The following BBS9 variants were observed in gnomAD, a reference collection of about 807,000 sequenced individuals.
BBS9 encodes the protein Bardet-Biedl syndrome 9, also known as protein PTHB1.
A neutral mutation model predicts 117.7 loss-of-function variants in BBS9; 89 were observed. The ratio of observed to expected loss-of-function variants is 0.76; its 90% confidence interval spans 0.64 to 0.90. The LOEUF is 0.90. Ranked by LOEUF, BBS9 falls within the 40% of genes least tolerant of loss-of-function variation. BBS9 has a pLI of 0.00. For synonymous variants in BBS9, 379 were observed against 370.9 expected (o/e 1.02, Z -0.25); for missense variants, 982 against 1,042.2 (o/e 0.94, Z 0.80).
intron 19 of BBS9, among the ~76,000 whole-genome samples, chr7:33,398,092 C>G (rs749993513): frequency 1.4e-4 from 21 of 152,152 alleles, no homozygotes; most frequent in Non-Finnish European, 2.4e-4. Context: ...AAATGAGGAG[C>G]TGACAATTCT....
At chr7:33,178,093 T>C (rs1983511) in intron 5 of BBS9, among the ~76,000 whole-genome samples, 28,722 of 152,196 alleles carry the variant, frequency 0.19, 3,559 homozygotes, top group Admixed American at 0.34. Context: ...ACAGGCAGGA[T>C]AAAGCTGCAA....
In BBS9 at chr7:33,290,172, T is replaced by G. The variant is rs76037803; in HGVS notation, c.1016+16216T>G. Reference sequence around the variant, plus strand: ...TGTAAAAATTCTGCTTTTTGCCTTTTATAAAACTTTACTAATGATGGAGCA... The same window carrying G: ...TGTAAAAATTCTGCTTTTTGCCTTTGATAAAACTTTACTAATGATGGAGCA... On this transcript the variant is annotated intron_variant, in intron 9 of 22. Coordinates refer to ENST00000242067, the MANE Select transcript of BBS9 (RefSeq NM_198428.3). Among the ~76,000 whole-genome samples, 62 of 152,300 alleles carry G rather than the reference T, an allele frequency of 4.1e-4. 1 individual carries two copies. The East Asian group carries it at 0.011, about 27-fold the overall frequency.
At chr7:33,266,232 A>G (rs1480668182) in intron 7 of BBS9, among the ~76,000 whole-genome samples, 2 of 152,250 alleles carry the variant, frequency 1.3e-5, no homozygotes, top group East Asian at 3.8e-4. Context: ...AAGAAATAGC[A>G]GTAAAACTTC....
chr7:33,451,933 A>G (rs1361333441), intron 19 of BBS9, among the ~76,000 whole-genome samples: 2 of 152,080 alleles, frequency 1.3e-5, no homozygotes, highest in African/African-American at 4.8e-5. Context: ...TCTTGGGTTC[A>G]AGCAATTCTT....
chr7:33,135,089 C>T (rs533085293), intron 1 of BBS9, among the ~76,000 whole-genome samples: 3 of 152,140 alleles, frequency 2.0e-5, no homozygotes, highest in African/African-American at 7.2e-5. Flanking sequence ...GATGGGGTCT[C>T]ATCATGTTGC....
At chr7:33,234,846 A>G (rs1793180106) in intron 5 of BBS9, among the ~76,000 whole-genome samples, 1 of 152,086 alleles carries the variant, frequency 6.6e-6, no homozygotes, top group African/African-American at 2.4e-5. Flanking sequence ...AAGGGAATGG[A>G]GAAAAAGTTC....
intron 19 of BBS9, among the ~76,000 whole-genome samples, chr7:33,486,681 G>A (rs7804723): frequency 0.78 from 118,836 of 152,098 alleles, 47,329 homozygotes; most frequent in African/African-American, 0.94. Flanking sequence ...CTGGAAGTCA[G>A]CTTCTTCTTC....
At chr7:33,242,179 G>C (rs898688707) in intron 5 of BBS9, among the ~76,000 whole-genome samples, 1 of 151,976 alleles carries the variant, frequency 6.6e-6, no homozygotes, top group African/African-American at 2.4e-5. Context: ...AATCAGTTTG[G>C]GGTTTATGAA....
intron 20 of BBS9, among the ~76,000 whole-genome samples, chr7:33,518,622 A>G (rs1159244507): frequency 3.9e-5 from 6 of 152,138 alleles, no homozygotes; most frequent in African/African-American, 1.2e-4. Context: ...TTTTTGGAAG[A>G]AAAAAACCCC....
At chr7:33,562,266 T>C (rs1219783595) in intron 21 of BBS9, among the ~76,000 whole-genome samples, 1 of 152,214 alleles carries the variant, frequency 6.6e-6, no homozygotes, top group Non-Finnish European at 1.5e-5. Flanking sequence ...CTGTGGTATA[T>C]ACAACAAAGT....
chr7:33,533,853 A>G, intron 20 of BBS9, 101 bp from the exon 21 acceptor site: 3 of 1,368,494 alleles, frequency 2.2e-6, no homozygotes, highest in Non-Finnish European at 3.1e-6. Flanking sequence ...ACAGGTTCCC[A>G]ACACTTGAAC....
At chr7:33,191,989 C>T (rs757126377) in intron 5 of BBS9, among the ~76,000 whole-genome samples, 2 of 151,584 alleles carry the variant, frequency 1.3e-5, no homozygotes, top group Middle Eastern at 6.8e-3. Context: ...ACCTCCCAAA[C>T]GCAACCACTG....
chr7:33,319,905 G>A (rs542028348), intron 9 of BBS9, among the ~76,000 whole-genome samples: 5 of 152,136 alleles, frequency 3.3e-5, no homozygotes, highest in Non-Finnish European at 4.4e-5. Flanking sequence ...CCAAGGGCAC[G>A]AATAGACAGT....
chr7:33,232,280 T>C (rs1299402102), intron 5 of BBS9, among the ~76,000 whole-genome samples: 3 of 152,144 alleles, frequency 2.0e-5, no homozygotes, highest in African/African-American at 7.2e-5. Flanking sequence ...TTAAAAATTA[T>C]ACAGGTAATC....
intron 19 of BBS9, among the ~76,000 whole-genome samples, chr7:33,400,843 T>C (rs896839516): frequency 1.3e-5 from 2 of 152,210 alleles, no homozygotes; most frequent in African/African-American, 4.8e-5. Flanking sequence ...CCCAGCTGTA[T>C]AGCCTGGAAC....
At chr7:33,281,239 T>TA (rs1478911929) in intron 9 of BBS9, among the ~76,000 whole-genome samples, 2 of 151,882 alleles carry the variant, frequency 1.3e-5, no homozygotes, top group African/African-American at 2.4e-5. Flanking sequence ...TTTGGTGAGT[T>TA]AAAAAAATTT....
rs756620095 is a variant in BBS9, at chr7:33,605,204, C to A, written c.2642C>A (p.Pro881His). 1.1e-5 allele frequency: 18 copies of A among 1,612,564 alleles called. No individual in the cohort carries two copies. Among genetic ancestry groups the A allele is most frequent in the African/African-American group, 2.7e-5 (2 of 74,938 alleles). ...TAETPRPEVS[P>H]LQGVSE ...CTCTCTTTTTTTCCAGAAGTTTCAC[C>A]CCTCCAAGGAGTCTCGGAATAATTC... The change falls in exon 23 of 23, where the codon CCC becomes CAC. Residue 881 changes from proline to histidine, a missense_variant. Coordinates refer to ENST00000242067, the MANE Select transcript of BBS9 (RefSeq NM_198428.3).
intron 5 of BBS9, among the ~76,000 whole-genome samples, chr7:33,195,054 T>C (rs1039093456): frequency 1.3e-5 from 2 of 152,172 alleles, no homozygotes; most frequent in Non-Finnish European, 1.5e-5. Context: ...CTTCCTAATA[T>C]AGTAACTGTT....
chr7:33,349,936 A>G (rs919725341), intron 13 of BBS9, among the ~76,000 whole-genome samples: 2 of 152,154 alleles, frequency 1.3e-5, no homozygotes, highest in African/African-American at 4.8e-5. Flanking sequence ...TTAATCTGCA[A>G]AAAGGGGGTA....
Sources: gnomAD v4.1 joint callset for allele counts (sites outside exome capture counted in the v4.1 genomes callset) on GRCh38, gnomAD v4.1.1 for gene constraint, MANE v1.5 for transcripts, NCBI Gene and HGNC (gene_info 2026-07-23, HGNC 2026-07-21) for gene names.